Variants in HIVEP1 observed in about 807,000 individuals in gnomAD.
HIVEP1 encodes zinc finger protein 40.
In HIVEP1, 36 loss-of-function variants were observed where a neutral mutation model predicts 180.0. That is an observed-to-expected ratio of 0.20 (90% CI 0.15 to 0.26). HIVEP1 has a LOEUF of 0.26. Among genes scored for constraint, HIVEP1 ranks in the 10% least tolerant of loss-of-function variants. The pLI is 1.00. For missense variants in HIVEP1, 3,143 were observed against 3,268.7 expected (o/e 0.96, Z 0.94); for synonymous variants, 1,239 against 1,239.0 (o/e 1.00, Z 0.00).
intron 2 of HIVEP1, among the ~76,000 whole-genome samples, chr6:12,066,952 G>A (rs1445782640): frequency 6.6e-6 from 1 of 151,590 alleles, no homozygotes; most frequent in Non-Finnish European, 1.5e-5. Context: ...CTGTTATTTA[G>A]TTAGGCTAAT....
At chr6:12,183,999 A>AGATAGATAGAT in the HIVEP1 span, among the ~76,000 whole-genome samples, 1 of 141,556 alleles carries the variant, frequency 7.1e-6, no homozygotes, top group Non-Finnish European at 1.5e-5. Context: ...ATAGATAGAT[A>AGATAGATAGAT]GATAGATAGA....
intron 3 of HIVEP1, among the ~76,000 whole-genome samples, chr6:12,092,197 T>C (rs952115171): frequency 2.0e-5 from 3 of 152,174 alleles, no homozygotes; most frequent in African/African-American, 7.2e-5. Context: ...GTAGAGGTTT[T>C]ACTGTCCTTA....
At chr6:12,027,556 G>A (rs1200985920) in intron 2 of HIVEP1, among the ~76,000 whole-genome samples, 3 of 152,152 alleles carry the variant, frequency 2.0e-5, no homozygotes, top group Admixed American at 6.5e-5. Flanking sequence ...AGTCACCTTT[G>A]TATTTAACTC....
chr6:12,061,852 G>A (rs575282602), intron 2 of HIVEP1, among the ~76,000 whole-genome samples: 232 of 152,164 alleles, frequency 1.5e-3, no homozygotes, highest in African/African-American at 5.4e-3. Flanking sequence ...AAATTTCTAA[G>A]TAAAAATCTA....
the HIVEP1 span, among the ~76,000 whole-genome samples, chr6:12,193,292 G>C: frequency 2.0e-5 from 3 of 151,772 alleles, no homozygotes; most frequent in African/African-American, 7.3e-5. Context: ...TTCACTTTTT[G>C]CTCTCATAAA....
At chr6:12,012,254 C>A (rs1249289253), upstream of HIVEP1, 1 of 147,262 alleles carries the variant, frequency 6.8e-6, no homozygotes, top group African/African-American at 2.4e-5. Context: ...CCCGCGCTCC[C>A]CCCCCCGCCC....
chr6:12,149,447 C>T (rs994439144), intron 7 of HIVEP1, among the ~76,000 whole-genome samples: 3 of 152,134 alleles, frequency 2.0e-5, no homozygotes, highest in Admixed American at 1.3e-4. Context: ...CACCAGGAAA[C>T]GTCTCTGAGC....
chr6:12,080,970 CCTCT>C (rs1404100141), intron 2 of HIVEP1, among the ~76,000 whole-genome samples: 1 of 151,980 alleles, frequency 6.6e-6, no homozygotes, highest in Non-Finnish European at 1.5e-5. Context: ...CCTGCAGCTC[CCTCT>C]ATCTCTGGGC....
upstream of HIVEP1, among the ~76,000 whole-genome samples, chr6:12,011,734 TCGTGC>T (rs1313248025): frequency 6.7e-6 from 1 of 148,170 alleles, no homozygotes; most frequent in African/African-American, 2.5e-5. Context: ...GGCTCCGGGT[TCGTGC>T]CGGGCCGGGC....
intron 3 of HIVEP1, among the ~76,000 whole-genome samples, chr6:12,099,290 C>A (rs972428134): frequency 1.3e-5 from 2 of 151,376 alleles, no homozygotes; most frequent in African/African-American, 4.9e-5. Context: ...GCCTCAGCCT[C>A]CCAAGTAGCT....
At position 12,041,281 on chromosome 6, in the gene HIVEP1, G is replaced by C. The variant is rs186249094; in HGVS notation, c.40+25613G>C. Among the ~76,000 whole-genome samples the C allele has an allele frequency of 5.3e-3, 801 of 152,050 alleles. 2 individuals carry two copies. The highest frequency in any genetic ancestry group is 0.014 in the Middle Eastern group (4 of 294). On this transcript the variant is annotated intron_variant, in intron 2 of 8. Transcript: ENST00000379388. ...CTAAAAATTCAAAAACACTAGCCGGGCATGGTGGTGGGCACCTGTAGTCCC... is the reference window on the plus strand; with the variant it reads ...CTAAAAATTCAAAAACACTAGCCGGCCATGGTGGTGGGCACCTGTAGTCCC...
chr6:12,141,691 C>CAAAAAAAAAAAAAAAA lies in HIVEP1; in HGVS notation c.6487+5813_6487+5828dup, dbSNP rs60419579. ...GAAGATCTACCAAGCAAATGGAAAG[C>CAAAAAAAAAAAAAAAA]AAAAAAAAAAAAAAAAAAAAAAAAA... is the stretch of plus-strand genomic sequence containing the variant. On this transcript the variant is annotated intron_variant, in intron 7 of 8. Coordinates refer to ENST00000379388, the MANE Select transcript of HIVEP1 (RefSeq NM_002114.4). 8.3e-4 allele frequency among the ~76,000 whole-genome samples: 16 copies of CAAAAAAAAAAAAAAAA among 19,238 alleles called. 4 individuals are homozygous for CAAAAAAAAAAAAAAAA. The highest frequency in any genetic ancestry group is 1.7e-3 in the Non-Finnish European group (11 of 6,440). 12.6% of individuals were successfully genotyped at this position (19,238 alleles called of 152,430 possible).
intron 3 of HIVEP1, among the ~76,000 whole-genome samples, chr6:12,115,347 A>ATTTTTTT (rs1775145972): frequency 4.1e-5 from 3 of 73,448 alleles, no homozygotes; most frequent in African/African-American, 1.3e-4. Context: ...TTCCCCAACT[A>ATTTTTTT]TTCTTTTTTT....
downstream of HIVEP1, among the ~76,000 whole-genome samples, chr6:12,167,656 TTATATATACATATATAC>T (rs1760751303): frequency 9.2e-6 from 1 of 109,026 alleles, no homozygotes; most frequent in Non-Finnish European, 2.0e-5. Flanking sequence ...CATATATATG[TTATATATACATATATAC>T]ATATATGTGT....
chr6:12,205,198 G>T, the HIVEP1 span, among the ~76,000 whole-genome samples: 27 of 152,296 alleles, frequency 1.8e-4, no homozygotes, highest in African/African-American at 6.3e-4. Context: ...GCGGCTGGGC[G>T]CGGTGGCTCA....
Position 12,161,761 on chromosome 6 carries a change from G to C in HIVEP1, c.6810G>C (p.Lys2270Asn), listed in dbSNP as rs1562014898. 1 of 1,614,188 alleles carries C rather than the reference G, an allele frequency of 6.2e-7. No individual in the cohort carries two copies. The highest frequency in any genetic ancestry group is 1.1e-5 in the South Asian group (1 of 91,086). ...LSTAQSDYNR[K>N]TLSPGKARQR... is the part of the protein sequence containing the mutation. ...CAGCACAGTCTGACTACAATAGGAAGACACTCTCTCCGGGGAAGGCCAGGC... is the reference window on the plus strand; with the variant it reads ...CAGCACAGTCTGACTACAATAGGAACACACTCTCTCCGGGGAAGGCCAGGC... The change falls in exon 8 of 9, where the codon AAG becomes AAC. Residue 2270 changes from lysine to asparagine, a missense_variant. Lys to Asn is a moderately conservative substitution (Grantham distance 94, BLOSUM62 0). Transcript: ENST00000379388.
chr6:12,195,724 T>C, the HIVEP1 span, among the ~76,000 whole-genome samples: 8 of 152,172 alleles, frequency 5.3e-5, no homozygotes, highest in Non-Finnish European at 1.2e-4. Context: ...CTGTGTACGA[T>C]AATCATGAGT....
Position 12,125,285 on chromosome 6 carries a change from G to A in HIVEP1, c.5490G>A (p.Leu1830=), listed in dbSNP as rs201245007. Residue 1830 remains leucine (L), a synonymous_variant, in exon 4 of 9, where the codon TTG becomes TTA. Transcript: ENST00000379388. ...QPEISNEAVN[L]TNVLPADNSS... is the part of the protein sequence containing the mutation. ...AAATTAGTAATGAGGCTGTTAATTT[G>A]ACAAATGTTTTACCAGCTGATAATT... 1 of 1,613,856 alleles carries A rather than the reference G, an allele frequency of 6.2e-7. No individual in the cohort carries two copies. Among genetic ancestry groups the A allele is most frequent in the Non-Finnish European group, 8.5e-7 (1 of 1,179,940 alleles).
At position 12,123,257 on chromosome 6, in the gene HIVEP1, T is replaced by C; in HGVS notation, c.3462T>C (p.Phe1154=). The change falls in exon 4 of 9, where the codon TTT becomes TTC. Residue 1154 remains phenylalanine, a synonymous_variant. Transcript: ENST00000379388. ...RPNSFDKPEP[F]ERASPVSFQE... ...ACTCATTTGACAAGCCTGAGCCTTT[T>C]GAAAGAGCCTCCCCAGTTTCTTTCC... The C allele has an allele frequency of 9.3e-6, 15 of 1,614,110 alleles. No homozygotes were observed. Among genetic ancestry groups the C allele is most frequent in the Non-Finnish European group, 1.2e-5 (14 of 1,180,016 alleles).
Sources: allele counts gnomAD v4.1 joint callset (sites outside exome capture counted in the v4.1 genomes callset), GRCh38; gene constraint gnomAD v4.1.1; transcripts MANE v1.5; gene names NCBI Gene and HGNC (gene_info 2026-07-23, HGNC 2026-07-21).